Variants in SNX29 observed in about 807,000 individuals in gnomAD.
SNX29 encodes sorting nexin-29.
Under a neutral mutation model 102.1 loss-of-function variants are expected in SNX29, and 78 were observed. That is an observed-to-expected ratio of 0.76 (90% CI 0.64 to 0.92). SNX29 has a LOEUF of 0.92. SNX29 is among the 40% of genes least tolerant of loss of function. The pLI, the probability that SNX29 is intolerant of heterozygous loss-of-function variation, is 0.00. For synonymous variants in SNX29, 580 were observed against 414.5 expected, an observed-to-expected ratio of 1.40 and a Z score of -4.85; for missense variants, 1,280 against 1,061.7, an observed-to-expected ratio of 1.21 and a Z score of -2.86.
In SNX29 at chr16:12,384,652, C is replaced by G. The variant is rs546305217; in HGVS notation, c.1900-13794C>G. 9.8e-5 allele frequency among the ~76,000 whole-genome samples: 15 copies of G among 152,318 alleles called. No individual in the cohort carries two copies. In the South Asian group the frequency reaches 2.9e-3, roughly 29 times the overall value. Reference sequence around the variant, plus strand: ...CAGATGTGTAGTTTGCAGATATTTTCTCCCATTCTGTGGGTTGTTTCTTCA... The same window carrying G: ...CAGATGTGTAGTTTGCAGATATTTTGTCCCATTCTGTGGGTTGTTTCTTCA... On this transcript the variant is annotated intron_variant, in intron 16 of 20. Transcript: ENST00000566228.
Position 12,257,699 on chromosome 16 carries a change from T to C in SNX29, c.1679-20234T>C, listed in dbSNP as rs1045255522. 5.3e-5 allele frequency among the ~76,000 whole-genome samples: 8 copies of C among 152,042 alleles called. No individual in the cohort carries two copies. In the South Asian group the frequency reaches 1.7e-3, roughly 32 times the overall value. On this transcript the variant is annotated intron_variant, in intron 14 of 20. Transcript: ENST00000566228. Reference sequence around the variant, plus strand: ...GCCCGGCTTATTTAAAATTTTTTTTTTTTTTTTTTGTAGCATCAGGGTTTC... The same window carrying C: ...GCCCGGCTTATTTAAAATTTTTTTTCTTTTTTTTTGTAGCATCAGGGTTTC...
intron 13 of SNX29, among the ~76,000 whole-genome samples, chr16:12,154,552 C>T (rs77425293): frequency 3.0e-3 from 458 of 152,298 alleles, no homozygotes; most frequent in Non-Finnish European, 5.7e-3. Context: ...GCATTTCCCC[C>T]GTCTCCAACT....
chr16:12,541,558 G>A (rs996257040), intron 20 of SNX29, among the ~76,000 whole-genome samples: 3 of 152,100 alleles, frequency 2.0e-5, no homozygotes, highest in African/African-American at 7.2e-5. Flanking sequence ...CCCTTTTCAA[G>A]CTGCCAAATT....
intron 13 of SNX29, among the ~76,000 whole-genome samples, chr16:12,189,411 T>C (rs1392905686): frequency 6.6e-6 from 1 of 152,224 alleles, no homozygotes; most frequent in Admixed American, 6.5e-5. Context: ...GATAGGCCAG[T>C]TTATTGTGCA....
intron 15 of SNX29, among the ~76,000 whole-genome samples, chr16:12,348,141 T>C (rs2081875259): frequency 6.6e-6 from 1 of 152,114 alleles, no homozygotes. Context: ...TTACACAAGG[T>C]CATCCAGCAG....
intron 1 of SNX29, among the ~76,000 whole-genome samples, chr16:11,978,245 C>T (rs542773262): frequency 6.6e-6 from 1 of 151,412 alleles, no homozygotes; most frequent in East Asian, 1.9e-4. Flanking sequence ...GTTTCTGATT[C>T]GTGAATGTTA....
At chr16:12,132,148 G>A (rs968468374) in intron 13 of SNX29, among the ~76,000 whole-genome samples, 6 of 151,722 alleles carry the variant, frequency 4.0e-5, no homozygotes, top group Admixed American at 2.0e-4. Flanking sequence ...GCCCAGGCTG[G>A]AGTGCAGTGG....
intron 3 of SNX29, among the ~76,000 whole-genome samples, chr16:12,010,623 A>T (rs1211467719): frequency 1.3e-5 from 2 of 152,184 alleles, no homozygotes; most frequent in Admixed American, 1.3e-4. Flanking sequence ...ACCTCGTCTC[A>T]AAACAAACAA....
At chr16:12,404,204 C>T (rs747598760) in intron 18 of SNX29, among the ~76,000 whole-genome samples, 2 of 152,134 alleles carry the variant, frequency 1.3e-5, no homozygotes, top group Non-Finnish European at 2.9e-5. Context: ...ACTGGACAAG[C>T]GGGACCTGTA....
chr16:12,475,664 G>A (rs528680228), intron 18 of SNX29, among the ~76,000 whole-genome samples: 1 of 152,182 alleles, frequency 6.6e-6, no homozygotes, highest in Non-Finnish European at 1.5e-5. Flanking sequence ...CTAACACAAA[G>A]CCTATTCTAT....
At position 12,219,342 on chromosome 16, in the gene SNX29, T is replaced by A. The variant is rs1285812733; in HGVS notation, c.1678+19659T>A. On this transcript the variant is annotated intron_variant, in intron 14 of 20. Coordinates refer to ENST00000566228, the MANE Select transcript of SNX29 (RefSeq NM_032167.5). ...GTGGCCCACAGTAAGAAATACTCTT[T>A]TAAGCATACACATATGTGTATATAG... Among the ~76,000 whole-genome samples the A allele has an allele frequency of 2.0e-5, 3 of 152,158 alleles. No individual in the cohort carries two copies. In the East Asian group the frequency reaches 5.8e-4, roughly 29 times the overall value.
intron 20 of SNX29, chr16:12,557,440 C>G (rs549233203): frequency 6.6e-6 from 1 of 152,180 alleles, no homozygotes; most frequent in Non-Finnish European, 1.5e-5. Flanking sequence ...TGGCTCACTG[C>G]AACCTCCTCC....
Position 12,099,950 on chromosome 16 carries a change from C to G in SNX29, c.1402+21035C>G, listed in dbSNP as rs546389807. Among the ~76,000 whole-genome samples the G allele has an allele frequency of 7.9e-5, 12 of 152,222 alleles. No individual in the cohort carries two copies. The South Asian group carries it at 2.5e-3, about 32-fold the overall frequency. ...ACTTGATCAGTGTGCAGGCACTGTGCTCAGTACTGGACATGGATTTCCCCT... is the reference window on the plus strand; with the variant it reads ...ACTTGATCAGTGTGCAGGCACTGTGGTCAGTACTGGACATGGATTTCCCCT... On this transcript the variant is annotated intron_variant, in intron 11 of 20. Transcript: ENST00000566228.
chr16:12,495,780 G>T (rs367691256), intron 19 of SNX29, among the ~76,000 whole-genome samples: 1 of 152,190 alleles, frequency 6.6e-6, no homozygotes, highest in African/African-American at 2.4e-5. Context: ...CTGGTTGGGC[G>T]TGGTGGCTCA....
intron 3 of SNX29, among the ~76,000 whole-genome samples, chr16:12,005,548 CTGTG>C (rs894978558): frequency 3.9e-5 from 6 of 152,034 alleles, no homozygotes; most frequent in African/African-American, 1.4e-4. Context: ...GTTGGTTTGT[CTGTG>C]TGTATGGGTG....
intron 11 of SNX29, among the ~76,000 whole-genome samples, chr16:12,095,754 G>A (rs951099564): frequency 6.6e-6 from 1 of 152,166 alleles, no homozygotes; most frequent in Non-Finnish European, 1.5e-5. Context: ...AGAGTCAGGT[G>A]AGCCCAGACC....
At chr16:12,046,336 C>G in intron 5 of SNX29, 48 bp from the exon 6 acceptor site, 2 of 1,595,500 alleles carry the variant, frequency 1.3e-6, no homozygotes, top group Non-Finnish European at 1.7e-6. Flanking sequence ...TTAATGGACA[C>G]AGAGAACCAC....
intron 19 of SNX29, among the ~76,000 whole-genome samples, chr16:12,509,159 C>T (rs1045597303): frequency 6.6e-6 from 1 of 152,170 alleles, no homozygotes; most frequent in Non-Finnish European, 1.5e-5. Context: ...CACCTAATGC[C>T]ACCACTGCTG....
intron 20 of SNX29, chr16:12,526,814 C>A (rs1026728796): frequency 1.2e-5 from 5 of 403,412 alleles, no homozygotes; most frequent in African/African-American, 8.1e-5. Context: ...CAGGCATCTC[C>A]GGTCCAGTGT....
Sources: allele counts gnomAD v4.1 joint callset (sites outside exome capture counted in the v4.1 genomes callset), GRCh38; gene constraint gnomAD v4.1.1; transcripts MANE v1.5; gene names NCBI Gene and HGNC (gene_info 2026-07-23, HGNC 2026-07-21).